PLD5: variants seen among roughly 807,000 people sequenced by gnomAD.
PLD5 encodes the protein inactive phospholipase D5.
In PLD5, 36 loss-of-function variants were observed where a neutral mutation model predicts 61.1. The observed-to-expected ratio is 0.59, with a 90% CI of 0.45 to 0.78. PLD5 has a LOEUF of 0.78. PLD5 is among the 30% of genes least tolerant of loss of function. The pLI is 0.00. For missense variants in PLD5, 515 were observed against 644.4 expected (o/e 0.80, Z 2.17); for synonymous variants, 243 against 242.8 (o/e 1.00, Z -0.01).
At chr1:242,172,919 A>G (rs111578435) in intron 5 of PLD5, among the ~76,000 whole-genome samples, 3,721 of 152,200 alleles carry the variant, frequency 0.024, 154 homozygotes, top group African/African-American at 0.083. Context: ...GTCCAGGACC[A>G]GAGGGATTCA....
At chr1:242,177,822 A>G (rs933347071) in intron 5 of PLD5, 1 of 152,222 alleles carries the variant, frequency 6.6e-6, no homozygotes, top group Non-Finnish European at 1.5e-5. Context: ...ACTGAGCCCA[A>G]AAGTGCACGG....
intron 2 of PLD5, among the ~76,000 whole-genome samples, chr1:242,328,110 A>G (rs544017615): frequency 3.6e-4 from 55 of 152,330 alleles, no homozygotes; most frequent in African/African-American, 1.3e-3. Context: ...AAAAACTTTA[A>G]CAAGGAATAA....
At chr1:242,223,441 T>A (rs190742235) in intron 4 of PLD5, among the ~76,000 whole-genome samples, 55 of 152,282 alleles carry the variant, frequency 3.6e-4, no homozygotes, top group East Asian at 2.5e-3. Flanking sequence ...TACTGCTGTA[T>A]CAGGGAACCC....
intron 3 of PLD5, among the ~76,000 whole-genome samples, chr1:242,276,526 G>C (rs912104793): frequency 1.3e-5 from 2 of 149,542 alleles, no homozygotes; most frequent in Non-Finnish European, 3.0e-5. Flanking sequence ...CTGCTGATTA[G>C]GCTTGGAGCT....
In PLD5 at chr1:242,124,581, T is replaced by C; in HGVS notation, c.820A>G (p.Lys274Glu). Residue 274 changes from lysine (K) to glutamate (E), a missense_variant, in exon 6 of 10, where the codon AAA (lysine) becomes GAA (glutamate). Physicochemically the swap from Lys to Glu is moderately conservative, Grantham distance 56 (BLOSUM62 1). Around this residue, in one of 2 missense-constraint regions of PLD5, gnomAD observed 450 missense variants for 598.1 expected, o/e 0.75. Transcript: ENST00000536534. ...QRIFALYSSLKFKSRVPQTWS... is the reference protein window; with the variant it reads ...QRIFALYSSLEFKSRVPQTWS... Reference sequence around the variant, plus strand: ...GTTTGAGGCACTCTGCTTTTGAATTTTAATGAACTATATAGAGCAAATATC... The same window carrying C: ...GTTTGAGGCACTCTGCTTTTGAATTCTAATGAACTATATAGAGCAAATATC... 1.9e-6 allele frequency: 3 copies of C among 1,613,994 alleles called. No individual in the cohort carries two copies. Among genetic ancestry groups the C allele is most frequent in the Non-Finnish European group, 2.5e-6 (3 of 1,179,878 alleles).
chr1:242,280,837 C>T (rs1674681910), intron 3 of PLD5, among the ~76,000 whole-genome samples: 1 of 152,170 alleles, frequency 6.6e-6, no homozygotes, highest in Admixed American at 6.5e-5. Context: ...GTGACGTTGT[C>T]AAAAACAGGA....
At chr1:242,350,958 A>G (rs1660442691) in intron 1 of PLD5, among the ~76,000 whole-genome samples, 1 of 150,546 alleles carries the variant, frequency 6.6e-6, no homozygotes, top group African/African-American at 2.4e-5. Context: ...CTGGAGTGCA[A>G]TGGCGTGATC....
rs747400285 is a variant in PLD5, at chr1:242,085,276, G to C, written c.*4578C>G. 1 of 151,892 alleles carries C rather than the reference G, an allele frequency of 6.6e-6. No individual in the cohort carries two copies. Among genetic ancestry groups the C allele is most frequent in the Non-Finnish European group, 1.5e-5 (1 of 67,980 alleles). The allele number at this position is 151,892 out of a possible 1,614,324, so 9.4% of individuals were successfully genotyped here. On this transcript the variant is annotated 3_prime_UTR_variant, in exon 10 of 10. Coordinates refer to ENST00000536534, the MANE Select transcript of PLD5 (RefSeq NM_001372062.1). ...TTGCCAAAAGAAGCGTTAATGACCA[G>C]TGAAGTTTTAGAACCTTGTAAATAC...
chr1:242,145,894 T>G (rs1448359334), intron 5 of PLD5, among the ~76,000 whole-genome samples: 1 of 152,376 alleles, frequency 6.6e-6, no homozygotes, highest in South Asian at 2.1e-4. Flanking sequence ...CAGGCTGGTC[T>G]CGAACTCCTG....
chr1:242,497,961 T>TTGTA (rs1553268820), intron 1 of PLD5, among the ~76,000 whole-genome samples: 2 of 151,418 alleles, frequency 1.3e-5, no homozygotes, highest in Non-Finnish European at 2.9e-5. Flanking sequence ...CTTCAATTTA[T>TTGTA]TTTATTTATT....
At chr1:242,389,940 G>A (rs1033616157) in intron 1 of PLD5, among the ~76,000 whole-genome samples, 2 of 151,962 alleles carry the variant, frequency 1.3e-5, no homozygotes, top group South Asian at 4.2e-4. Context: ...GAAATTCTTA[G>A]ACTCCACTAT....
At chr1:242,403,439 A>C (rs993038731) in intron 1 of PLD5, among the ~76,000 whole-genome samples, 1 of 150,554 alleles carries the variant, frequency 6.6e-6, no homozygotes, top group African/African-American at 2.4e-5. Flanking sequence ...CAGTGGCTTC[A>C]AGCTTCTCCC....
intron 7 of PLD5, among the ~76,000 whole-genome samples, chr1:242,108,565 G>T (rs1376767281): frequency 6.6e-6 from 1 of 152,130 alleles, no homozygotes; most frequent in African/African-American, 2.4e-5. Flanking sequence ...CTCCCACTCT[G>T]CCTCTGCCGG....
At chr1:242,355,041 T>C (rs1660682955) in intron 1 of PLD5, among the ~76,000 whole-genome samples, 1 of 152,112 alleles carries the variant, frequency 6.6e-6, no homozygotes, top group Non-Finnish European at 1.5e-5. Context: ...TTGTTGAGGA[T>C]ATTTGCATCT....
chr1:242,247,855 T>C (rs1050028953), intron 4 of PLD5, among the ~76,000 whole-genome samples: 3 of 152,210 alleles, frequency 2.0e-5, no homozygotes, highest in African/African-American at 7.2e-5. Flanking sequence ...TCTTTGTACA[T>C]AATCTTTGTG....
intron 1 of PLD5, among the ~76,000 whole-genome samples, chr1:242,427,117 C>T (rs568042489): frequency 2.0e-5 from 3 of 152,266 alleles, no homozygotes; most frequent in East Asian, 1.9e-4. Flanking sequence ...AAGAAATAAA[C>T]GTCTATTTTA....
chr1:242,320,176 A>C (rs1487039096), intron 2 of PLD5, among the ~76,000 whole-genome samples: 4 of 149,474 alleles, frequency 2.7e-5, no homozygotes, highest in Non-Finnish European at 5.9e-5. Flanking sequence ...TTAAAATATA[A>C]ATACAAAAAA....
At chr1:242,227,987 A>T (rs1334243700) in intron 4 of PLD5, among the ~76,000 whole-genome samples, 2 of 152,316 alleles carry the variant, frequency 1.3e-5, no homozygotes, top group East Asian at 3.9e-4. Flanking sequence ...TCTTCTCCAG[A>T]AGCTTATTGT....
chr1:242,441,226 G>A (rs552616892), intron 1 of PLD5, among the ~76,000 whole-genome samples: 3 of 152,250 alleles, frequency 2.0e-5, no homozygotes, highest in East Asian at 1.9e-4. Flanking sequence ...ATAGTAGTAA[G>A]TGCTATGAAG....
Sources: allele counts gnomAD v4.1 joint callset (sites outside exome capture counted in the v4.1 genomes callset), GRCh38; gene constraint gnomAD v4.1.1; regional missense constraint gnomAD v4.1.1; transcripts MANE v1.5; gene names NCBI Gene and HGNC (gene_info 2026-07-23, HGNC 2026-07-21).